Variants in PRDM1 observed in about 807,000 individuals in gnomAD.
The protein encoded by PRDM1 is PR domain zinc finger protein 1.
In PRDM1, 13 loss-of-function variants were observed where a neutral mutation model predicts 62.8. That is an observed-to-expected ratio of 0.21 (90% CI 0.13 to 0.33). PRDM1 has a LOEUF of 0.33. PRDM1 is among the 10% of genes least tolerant of loss of function. The pLI, the probability that PRDM1 is intolerant of heterozygous loss-of-function variation, is 1.00. For missense variants in PRDM1, 895 were observed against 1,058.8 expected, an observed-to-expected ratio of 0.85 and a Z score of 2.15; for synonymous variants, 396 against 417.6, an observed-to-expected ratio of 0.95 and a Z score of 0.63.
At chr6:106,045,984 G>C (rs986061421), upstream of PRDM1, 1 of 151,988 alleles carries the variant, frequency 6.6e-6, no homozygotes, top group African/African-American at 2.4e-5. Flanking sequence ...CACACTTGGC[G>C]CCTCCAAATA....
At chr6:106,082,086 TC>T (rs1016228584), upstream of PRDM1, among the ~76,000 whole-genome samples, 60 of 152,218 alleles carry the variant, frequency 3.9e-4, no homozygotes, top group Admixed American at 2.1e-3. Context: ...AAGCTACTCT[TC>T]CGGTTCTCCA....
chr6:106,048,069 TC>T (rs1248519687), upstream of PRDM1, among the ~76,000 whole-genome samples: 2 of 152,220 alleles, frequency 1.3e-5, no homozygotes, highest in Non-Finnish European at 2.9e-5. Flanking sequence ...TGGGAAAAGT[TC>T]CTTTTCCTTT....
chr6:106,034,081 G>A (rs938265090), intron 1 of PRDM1, among the ~76,000 whole-genome samples: 1 of 152,030 alleles, frequency 6.6e-6, no homozygotes, highest in African/African-American at 2.4e-5. Context: ...TTTTGTTTCT[G>A]TAGAATCAGT....
intron 1 of PRDM1, among the ~76,000 whole-genome samples, chr6:106,039,158 G>A (rs1772960137): frequency 6.6e-6 from 1 of 152,118 alleles, no homozygotes; most frequent in Non-Finnish European, 1.5e-5. Flanking sequence ...AACTTAGAAA[G>A]TTCAGAAACA....
intron 1 of PRDM1, among the ~76,000 whole-genome samples, chr6:106,062,739 C>T (rs1443508346): frequency 6.6e-6 from 1 of 152,178 alleles, no homozygotes; most frequent in Admixed American, 6.5e-5. Flanking sequence ...TGCTGCTGCT[C>T]AGCCTGCAAC....
chr6:106,000,091 T>C (rs552316469), intron 1 of PRDM1, among the ~76,000 whole-genome samples: 17 of 152,268 alleles, frequency 1.1e-4, no homozygotes, highest in Middle Eastern at 3.4e-3. Flanking sequence ...GCTCGTGATC[T>C]GCCCGCCTTG....
intron 1 of PRDM1, among the ~76,000 whole-genome samples, chr6:106,071,797 G>C (rs1261579872): frequency 6.6e-6 from 1 of 152,160 alleles, no homozygotes; most frequent in Non-Finnish European, 1.5e-5. Flanking sequence ...TGGAAGGGAG[G>C]GTGGGTGAGA....
At chr6:106,050,225 CTGTT>C (rs1459327024) in intron 1 of PRDM1, among the ~76,000 whole-genome samples, 1 of 152,300 alleles carries the variant, frequency 6.6e-6, no homozygotes, top group Admixed American at 6.5e-5. Flanking sequence ...TTTATCTACT[CTGTT>C]TGTTAGTGTT....
Position 106,086,418 on chromosome 6 carries a change from C to T in PRDM1, c.-136C>T, listed in dbSNP as rs939439382. ...GCAGCGACCGCGGCACCTGTCCGCC[C>T]GGAGCTGGGACGCGGGCGCCCGGGC... On this transcript the variant is annotated 5_prime_UTR_variant, in exon 1 of 7. Transcript: ENST00000369096. 14 of 717,026 alleles carry T rather than the reference C, an allele frequency of 2.0e-5. No individual in the cohort carries two copies. The highest frequency in any genetic ancestry group is 3.2e-5 in the Non-Finnish European group (14 of 432,278). The allele number at this position is 717,026 out of a possible 1,614,324, so 44.4% of individuals were successfully genotyped here.
At chr6:106,025,159 C>T (rs1484611087) in intron 1 of PRDM1, among the ~76,000 whole-genome samples, 1 of 152,232 alleles carries the variant, frequency 6.6e-6, no homozygotes, top group Non-Finnish European at 1.5e-5. Context: ...CAATCAACTT[C>T]TTTCCCATTT....
At chr6:106,041,548 C>G (rs555791022) in intron 1 of PRDM1, among the ~76,000 whole-genome samples, 1 of 152,172 alleles carries the variant, frequency 6.6e-6, no homozygotes, top group African/African-American at 2.4e-5. Context: ...TTAAATAAAA[C>G]CATCAGGCAT....
At chr6:106,097,956 A>G (rs1297088278) in intron 3 of PRDM1, among the ~76,000 whole-genome samples, 1 of 152,228 alleles carries the variant, frequency 6.6e-6, no homozygotes, top group African/African-American at 2.4e-5. Context: ...ATGAAGCCAC[A>G]TGTATTTCCC....
chr6:106,078,198 T>A (rs1277418254), intron 1 of PRDM1: 1 of 152,208 alleles, frequency 6.6e-6, no homozygotes, highest in Non-Finnish European at 1.5e-5. Flanking sequence ...TTCTAGTCCC[T>A]CTGTCTAGAG....
upstream of PRDM1, among the ~76,000 whole-genome samples, chr6:106,044,319 T>A (rs956776294): frequency 1.3e-5 from 2 of 152,130 alleles, no homozygotes; most frequent in Non-Finnish European, 2.9e-5. Flanking sequence ...TTTAAAGTTA[T>A]AATTAAGTAA....
At chr6:106,035,335 A>G (rs967889268) in intron 1 of PRDM1, among the ~76,000 whole-genome samples, 4 of 152,136 alleles carry the variant, frequency 2.6e-5, no homozygotes, top group East Asian at 1.9e-4. Flanking sequence ...GATTTAATCT[A>G]TTTTGGCCAG....
At chr6:106,055,983 G>A (rs965212468) in intron 1 of PRDM1, among the ~76,000 whole-genome samples, 1 of 152,102 alleles carries the variant, frequency 6.6e-6, no homozygotes, top group Non-Finnish European at 1.5e-5. Flanking sequence ...GGGATTGGGA[G>A]AAAGGCTCAT....
chr6:106,034,419 T>C (rs1391667130), intron 1 of PRDM1, among the ~76,000 whole-genome samples: 2 of 152,044 alleles, frequency 1.3e-5, no homozygotes, highest in African/African-American at 4.8e-5. Flanking sequence ...ATGCTTTTGC[T>C]GCATCCCATA....
rs1366291197 is a variant in PRDM1, at chr6:106,109,901, A to C, written c.*2415A>C. On this transcript the variant is annotated 3_prime_UTR_variant, in exon 7 of 7. Transcript: ENST00000369096. ...ATGTTATTTATGTGCAAATTGTCAA[A>C]ATGTAAATTAAATATAAATGTTCAT... 1 of 228,806 alleles carries C rather than the reference A, an allele frequency of 4.4e-6. No individual in the cohort carries two copies. Among genetic ancestry groups the C allele is most frequent in the Non-Finnish European group, 8.7e-6 (1 of 115,092 alleles). The allele number at this position is 228,806 out of a possible 1,614,324, so 14.2% of individuals were successfully genotyped here.
chr6:106,012,486 A>C (rs1012161840), intron 1 of PRDM1, among the ~76,000 whole-genome samples: 11 of 151,380 alleles, frequency 7.3e-5, no homozygotes, highest in Non-Finnish European at 1.0e-4. Context: ...ACACACACAC[A>C]CCCCTCCACA....
Sources: gnomAD v4.1 joint callset for allele counts (sites outside exome capture counted in the v4.1 genomes callset) on GRCh38, gnomAD v4.1.1 for gene constraint, MANE v1.5 for transcripts, NCBI Gene and HGNC (gene_info 2026-07-23, HGNC 2026-07-21) for gene names.